NTM: variants seen among roughly 807,000 people sequenced by gnomAD.
NTM encodes the protein neurotrimin.
A neutral mutation model predicts 42.1 loss-of-function variants in NTM; 13 were observed. The observed-to-expected ratio is 0.31, with a 90% CI of 0.20 to 0.49. NTM has a LOEUF of 0.49. NTM is among the 20% of genes least tolerant of loss of function. The pLI, the probability that NTM is intolerant of heterozygous loss-of-function variation, is 0.99. For synonymous variants in NTM, 187 were observed against 179.2 expected, an observed-to-expected ratio of 1.04 and a Z score of -0.35; for missense variants, 373 against 452.8, an observed-to-expected ratio of 0.82 and a Z score of 1.60.
chr11:131,778,759 G>C (rs139910477), intron 1 of NTM, among the ~76,000 whole-genome samples: 1 of 151,906 alleles, frequency 6.6e-6, no homozygotes, highest in Non-Finnish European at 1.5e-5. Flanking sequence ...TCAATTTTCC[G>C]GTTAACTATT....
chr11:131,821,801 A>G (rs1003718810), intron 1 of NTM, among the ~76,000 whole-genome samples: 1 of 152,192 alleles, frequency 6.6e-6, no homozygotes. Flanking sequence ...GACACTGACG[A>G]GTTTTACACC....
intron 1 of NTM, among the ~76,000 whole-genome samples, chr11:131,878,789 G>C (rs780635708): frequency 4.0e-5 from 6 of 151,506 alleles, no homozygotes; most frequent in Non-Finnish European, 7.4e-5. Context: ...GTCTTTCTCA[G>C]TGCTGGCTGA....
intron 1 of NTM, among the ~76,000 whole-genome samples, chr11:131,547,165 T>G (rs1377592128): frequency 6.6e-6 from 1 of 152,218 alleles, no homozygotes; most frequent in East Asian, 1.9e-4. Flanking sequence ...TTATTCTTAC[T>G]ATGTCTCATT....
chr11:131,909,495 T>C (rs979527208), intron 1 of NTM, among the ~76,000 whole-genome samples: 3 of 152,198 alleles, frequency 2.0e-5, no homozygotes, highest in African/African-American at 4.8e-5. Context: ...CTGGTTGTGT[T>C]TGATAGAGTC....
chr11:131,778,628 A>G (rs1187259725), intron 1 of NTM, among the ~76,000 whole-genome samples: 1 of 152,212 alleles, frequency 6.6e-6, no homozygotes, highest in Non-Finnish European at 1.5e-5. Flanking sequence ...AAACATAAAA[A>G]CTAGCTCTAG....
chr11:131,965,006 A>G (rs1565838667), intron 2 of NTM, among the ~76,000 whole-genome samples: 1 of 152,110 alleles, frequency 6.6e-6, no homozygotes, highest in Non-Finnish European at 1.5e-5. Context: ...GTGATGATCA[A>G]GAGGAGAGGA....
chr11:131,556,456 G>A (rs1268512518), intron 1 of NTM, among the ~76,000 whole-genome samples: 3 of 152,118 alleles, frequency 2.0e-5, no homozygotes, highest in African/African-American at 7.2e-5. Context: ...TTAAAGCCTG[G>A]TTCTGCTACT....
At chr11:131,867,305 G>C (rs1565649357) in intron 1 of NTM, among the ~76,000 whole-genome samples, 2 of 152,204 alleles carry the variant, frequency 1.3e-5, no homozygotes, top group South Asian at 4.1e-4. Context: ...TGGAGAGGTT[G>C]CAGCAAGGAG....
intron 1 of NTM, among the ~76,000 whole-genome samples, chr11:131,402,470 T>C (rs982881416): frequency 1.3e-5 from 2 of 149,446 alleles, no homozygotes; most frequent in African/African-American, 2.5e-5. Context: ...TTAGTTTCCA[T>C]GGGAAGTGTC....
chr11:132,266,223 C>G (rs1480196709), intron 4 of NTM, among the ~76,000 whole-genome samples: 1 of 152,122 alleles, frequency 6.6e-6, no homozygotes, highest in Admixed American at 6.5e-5. Flanking sequence ...CTGGTTGAAG[C>G]CTACAGCAAG....
intron 1 of NTM, among the ~76,000 whole-genome samples, chr11:131,620,031 C>G (rs7104312): frequency 0.013 from 1,912 of 152,194 alleles, 45 homozygotes; most frequent in African/African-American, 0.043. Flanking sequence ...TCTTGATCTC[C>G]TGACCTTATG....
chr11:131,523,082 T>C (rs1312614411), intron 1 of NTM, among the ~76,000 whole-genome samples: 1 of 152,234 alleles, frequency 6.6e-6, no homozygotes, highest in Non-Finnish European at 1.5e-5. Flanking sequence ...TTGAGATGGA[T>C]TGCTTGTGGT....
intron 7 of NTM, among the ~76,000 whole-genome samples, chr11:132,320,959 G>A (rs1437909411): frequency 6.6e-6 from 1 of 151,036 alleles, no homozygotes; most frequent in African/African-American, 2.5e-5. Flanking sequence ...ACCTGCAGCT[G>A]AGGGTCCTGT....
chr11:131,714,453 AT>A (rs2077482853), intron 1 of NTM, among the ~76,000 whole-genome samples: 1 of 152,092 alleles, frequency 6.6e-6, no homozygotes, highest in South Asian at 2.1e-4. Flanking sequence ...GGCCTCCCAA[AT>A]TGTTGGGATT....
At chr11:132,255,128 C>T (rs924630334) in intron 4 of NTM, among the ~76,000 whole-genome samples, 1 of 152,218 alleles carries the variant, frequency 6.6e-6, no homozygotes, top group Non-Finnish European at 1.5e-5. Context: ...GTGGTGGATG[C>T]TGTCAGTGGA....
intron 1 of NTM, among the ~76,000 whole-genome samples, chr11:131,673,697 T>A (rs1214726647): frequency 6.6e-6 from 1 of 152,196 alleles, no homozygotes; most frequent in Admixed American, 6.5e-5. Context: ...AAGGGACCTG[T>A]ACCTTGGGGG....
At chr11:131,685,014 G>C (rs2073638464) in intron 1 of NTM, among the ~76,000 whole-genome samples, 1 of 152,212 alleles carries the variant, frequency 6.6e-6, no homozygotes, top group Non-Finnish European at 1.5e-5. Flanking sequence ...CTCAGGGCTG[G>C]GATAGGACCA....
intron 2 of NTM, among the ~76,000 whole-genome samples, chr11:131,990,876 T>C (rs2066897835): frequency 6.6e-6 from 1 of 152,150 alleles, no homozygotes; most frequent in African/African-American, 2.4e-5. Flanking sequence ...TTAAAAATAG[T>C]ATCTCATTTT....
At chr11:131,934,032 T>C (rs890876331) in intron 2 of NTM, among the ~76,000 whole-genome samples, 2 of 152,172 alleles carry the variant, frequency 1.3e-5, no homozygotes, top group African/African-American at 2.4e-5. Context: ...GGGGATTTGA[T>C]CCCAGACAGT....
Sources: allele counts gnomAD v4.1 joint callset (sites outside exome capture counted in the v4.1 genomes callset), GRCh38; gene constraint gnomAD v4.1.1; transcripts MANE v1.5; gene names NCBI Gene and HGNC (gene_info 2026-07-23, HGNC 2026-07-21).